Variants in SLCO6A1 observed in about 807,000 individuals in gnomAD.
The protein encoded by SLCO6A1 is solute carrier organic anion transporter family member 6A1, also known as cancer/testis antigen 48.
Under a neutral mutation model 72.7 loss-of-function variants are expected in SLCO6A1, and 65 were observed. The ratio of observed to expected loss-of-function variants is 0.89; its 90% CI spans 0.73 to 1.10. The LOEUF is 1.10. Ranked by LOEUF, SLCO6A1 falls within the 50% of genes least tolerant of loss-of-function variation. SLCO6A1 has a pLI of 0.00. For synonymous variants in SLCO6A1, 314 were observed against 298.2 expected, an observed-to-expected ratio of 1.05 and a Z score of -0.55; for missense variants, 874 against 872.6, an observed-to-expected ratio of 1.00 and a Z score of -0.02.
At chr5:102,407,999 T>C (rs1376899) in intron 9 of SLCO6A1, among the ~76,000 whole-genome samples, 28,430 of 151,990 alleles carry the variant, frequency 0.19, 3,512 homozygotes, top group Non-Finnish European at 0.24. Context: ...ATGAGTGTTA[T>C]TCAAAACCAC....
chr5:102,484,558 A>T (rs928703547), intron 1 of SLCO6A1, among the ~76,000 whole-genome samples: 26 of 151,956 alleles, frequency 1.7e-4, no homozygotes, highest in South Asian at 4.2e-4. Context: ...GCTGAGGCAT[A>T]AGAATTGCTT....
chr5:102,442,090 T>C (rs1369205012), intron 6 of SLCO6A1, among the ~76,000 whole-genome samples: 1 of 152,204 alleles, frequency 6.6e-6, no homozygotes, highest in Non-Finnish European at 1.5e-5. Flanking sequence ...TATTGGTCTG[T>C]ACTAGCTGCA....
At chr5:102,381,529 G>A (rs6891936) in intron 12 of SLCO6A1, among the ~76,000 whole-genome samples, 98,072 of 151,456 alleles carry the variant, frequency 0.65, 31,950 homozygotes, top group African/African-American at 0.67. Flanking sequence ...TAATGCTGCA[G>A]TAAACAAGGG....
At chr5:102,375,157 T>C (rs1358407741) in intron 12 of SLCO6A1, among the ~76,000 whole-genome samples, 2 of 152,122 alleles carry the variant, frequency 1.3e-5, no homozygotes, top group Non-Finnish European at 2.9e-5. Flanking sequence ...AGCAAAGCTT[T>C]CAAACAAATA....
At position 102,460,899 on chromosome 5, in the gene SLCO6A1, CATATATATATATATATATAT is replaced by C. The variant is rs60973292; in HGVS notation, c.900-1142_900-1123del. On this transcript the variant is annotated intron_variant, in intron 4 of 13. Transcript: ENST00000506729. ...CTTGATTGTCATTACCCACTTATCTCATATATATATATATATATATATATATATATATATATATATATATA... is the reference window on the plus strand; with the variant it reads ...CTTGATTGTCATTACCCACTTATCTCATATATATATATATATATATATATA... 5.3e-4 allele frequency among the ~76,000 whole-genome samples: 69 copies of C among 130,282 alleles called. 1 individual carries two copies. The highest frequency in any genetic ancestry group is 2.7e-3 in the East Asian group (10 of 3,670). 85.5% of individuals were successfully genotyped at this position (130,282 alleles called of 152,430 possible).
At chr5:102,407,381 C>T (rs531475580) in intron 9 of SLCO6A1, among the ~76,000 whole-genome samples, 1 of 152,290 alleles carries the variant, frequency 6.6e-6, no homozygotes, top group African/African-American at 2.4e-5. Context: ...TACTGCTGCA[C>T]AAGGAGCAAT....
At chr5:102,401,400 A>C (rs1426082497) in intron 9 of SLCO6A1, among the ~76,000 whole-genome samples, 1 of 152,146 alleles carries the variant, frequency 6.6e-6, no homozygotes, top group Non-Finnish European at 1.5e-5. Context: ...TAGTGATGTG[A>C]AGTCATTGGA....
At chr5:102,373,567 AC>A in intron 12 of SLCO6A1, 73 bp from the exon 13 acceptor site, 1 of 1,113,090 alleles carries the variant, frequency 9.0e-7, no homozygotes, top group Non-Finnish European at 1.2e-6. Flanking sequence ...AATGCTATTT[AC>A]CAAAGAAAGG....
intron 6 of SLCO6A1, among the ~76,000 whole-genome samples, chr5:102,440,616 A>C (rs1169098487): frequency 1.3e-5 from 2 of 152,166 alleles, no homozygotes; most frequent in Non-Finnish European, 1.5e-5. Flanking sequence ...TTTCTTCCAC[A>C]AAACTGGTCC....
intron 3 of SLCO6A1, among the ~76,000 whole-genome samples, chr5:102,477,372 C>T (rs1473554966): frequency 1.3e-5 from 2 of 151,720 alleles, no homozygotes; most frequent in Non-Finnish European, 2.9e-5. Context: ...GATCTGCCCA[C>T]CTCAGCCTCT....
intron 6 of SLCO6A1, among the ~76,000 whole-genome samples, chr5:102,448,066 T>A (rs898147029): frequency 1.3e-5 from 2 of 152,210 alleles, no homozygotes; most frequent in African/African-American, 4.8e-5. Context: ...TTCTGGTATG[T>A]TGTATCTTTG....
At chr5:102,404,801 C>T (rs752789331) in intron 9 of SLCO6A1, among the ~76,000 whole-genome samples, 2 of 152,036 alleles carry the variant, frequency 1.3e-5, no homozygotes, top group Non-Finnish European at 2.9e-5. Flanking sequence ...TATACCTGTG[C>T]TCTATTACCT....
chr5:102,396,113 G>T (rs1747066153), intron 10 of SLCO6A1, among the ~76,000 whole-genome samples: 1 of 152,092 alleles, frequency 6.6e-6, no homozygotes, highest in Non-Finnish European at 1.5e-5. Flanking sequence ...TGAAGTCCTT[G>T]CCCATGCCTA....
rs139209954 is a variant in SLCO6A1 at position 102,388,838 on chromosome 5, C to T, written c.1880-13G>A. The stretch of plus-strand genomic sequence containing the variant: ...CCAGGAATAGTCCCTATGAAAAATG[C>T]AATGATTGTAAATTCTTTGTGAAAA... On this transcript the variant is annotated splice_polypyrimidine_tract_variant and intron_variant, in intron 11 of 13. Transcript: ENST00000506729. 2,983 of 1,586,660 alleles carry T rather than the reference C, an allele frequency of 1.9e-3. 22 individuals carry two copies. The highest frequency in any genetic ancestry group is 0.012 in the Middle Eastern group (72 of 5,972).
At chr5:102,492,648 G>A (rs1039373352) in intron 1 of SLCO6A1, among the ~76,000 whole-genome samples, 9 of 152,114 alleles carry the variant, frequency 5.9e-5, no homozygotes, top group Admixed American at 2.0e-4. Context: ...AAAGGGAAGC[G>A]GTGACAGACG....
intron 12 of SLCO6A1, among the ~76,000 whole-genome samples, chr5:102,385,282 A>G (rs1191871650): frequency 6.6e-6 from 1 of 152,048 alleles, no homozygotes; most frequent in Non-Finnish European, 1.5e-5. Context: ...TTCAGTGAAG[A>G]CTTCCTTACA....
intron 7 of SLCO6A1, among the ~76,000 whole-genome samples, chr5:102,434,598 G>T (rs1348732565): frequency 2.0e-5 from 3 of 152,182 alleles, no homozygotes; most frequent in African/African-American, 7.2e-5. Flanking sequence ...CTTACAGATA[G>T]GATGAAATTC....
At chr5:102,401,734 C>T (rs141263852) in intron 9 of SLCO6A1, among the ~76,000 whole-genome samples, 47 of 152,228 alleles carry the variant, frequency 3.1e-4, no homozygotes, top group Non-Finnish European at 5.4e-4. Flanking sequence ...TCATTCACAG[C>T]TCAGGGAAAG....
At chr5:102,383,331 G>T (rs1040839452) in intron 12 of SLCO6A1, among the ~76,000 whole-genome samples, 4 of 151,342 alleles carry the variant, frequency 2.6e-5, no homozygotes, top group Non-Finnish European at 5.9e-5. Context: ...TATTAGGTCT[G>T]AGTAAGTAAT....
Sources: gnomAD v4.1 joint callset for allele counts (sites outside exome capture counted in the v4.1 genomes callset) on GRCh38, gnomAD v4.1.1 for gene constraint, MANE v1.5 for transcripts, NCBI Gene and HGNC (gene_info 2026-07-23, HGNC 2026-07-21) for gene names.